The following MCF2 variants were observed in gnomAD, a reference collection of about 807,000 sequenced individuals.
MCF2 encodes the protein MCF.2 cell line derived transforming sequence, also known as proto-oncogene DBL.
Under a neutral mutation model 82.5 loss-of-function variants are expected in MCF2, and 44 were observed. The observed-to-expected ratio is 0.53, with a 90% CI of 0.42 to 0.69. MCF2 has a LOEUF of 0.69. MCF2 is among the 30% of genes least tolerant of loss of function. The probability of loss-of-function intolerance (pLI) is 0.00; values close to 1 mark genes in which losing one functional copy is unlikely to be tolerated. For synonymous variants in MCF2, 217 were observed against 224.9 expected (o/e 0.96, Z 0.32); for missense variants, 623 against 663.1 (o/e 0.94, Z 0.66).
chrX:139,684,906 T>C (rs1348964502), intron 1 of MCF2, among the ~76,000 whole-genome samples: 2 of 111,902 alleles, frequency 1.8e-5, no homozygotes, highest in African/African-American at 6.5e-5. Context: ...TAGATTGTGG[T>C]AAAGGTTGCA....
In MCF2 at chrX:139,619,725, G is replaced by T; in HGVS notation, c.688-19C>A. 9.1e-7 allele frequency: 1 copy of T among 1,104,805 alleles called. No individual in the cohort carries two copies. Among genetic ancestry groups the T allele is most frequent in the Non-Finnish European group, 1.2e-6 (1 of 838,514 alleles). The allele number at this position is 1,104,805 out of a possible 1,213,427, so 91.0% of individuals were successfully genotyped here. A position where few individuals can be genotyped will look rare whatever the true frequency, so the allele number is the denominator to read the frequency against. ...TCACAAGCTAAAAATACGAAACAAA[G>T]AGGTTTTAAAAACATAAAATTTATC... On this transcript the variant is annotated intron_variant, in intron 6 of 24. Transcript: ENST00000370576.
chrX:139,660,792 A>G (rs1396628418), intron 1 of MCF2, among the ~76,000 whole-genome samples: 1 of 112,035 alleles, frequency 8.9e-6, no homozygotes, highest in Non-Finnish European at 1.9e-5. Flanking sequence ...TTTCCTGCTA[A>G]CACCTACTGG....
intron 1 of MCF2, among the ~76,000 whole-genome samples, chrX:139,634,295 G>A (rs756339465): frequency 1.4e-3 from 157 of 111,871 alleles, no homozygotes; most frequent in Non-Finnish European, 2.5e-3. Flanking sequence ...CTAAGAATAA[G>A]ATACTGTGGG....
intron 24 of MCF2, among the ~76,000 whole-genome samples, chrX:139,583,703 G>A (rs1435089928): frequency 9.0e-6 from 1 of 111,544 alleles, no homozygotes; most frequent in Non-Finnish European, 1.9e-5. Flanking sequence ...TCAGCATCAC[G>A]CAGTATTCCC....
At chrX:139,678,525 G>A (rs754272678) in intron 1 of MCF2, among the ~76,000 whole-genome samples, 57 of 112,235 alleles carry the variant, frequency 5.1e-4, no homozygotes, top group Non-Finnish European at 9.8e-4. Flanking sequence ...TAAAGAAAGT[G>A]ATGAGACAGT....
At chrX:139,648,877 T>A (rs775129411) in intron 2 of MCF2, among the ~76,000 whole-genome samples, 1 of 112,230 alleles carries the variant, frequency 8.9e-6, no homozygotes, top group South Asian at 3.7e-4. Context: ...ATGCACCTAA[T>A]AACAGAGCTT....
rs187278407 is a variant in MCF2, at chrX:139,609,597, G to C, written c.1401+704C>G. Among the ~76,000 whole-genome samples, 143 of 111,091 alleles carry C rather than the reference G, an allele frequency of 1.3e-3. 1 individual carries two copies. Among genetic ancestry groups the C allele is most frequent in the African/African-American group, 1.9e-3 (58 of 30,578 alleles). On this transcript the variant is annotated intron_variant, in intron 11 of 24. Transcript: ENST00000370576. ...AGAAAATGTGGGATGTTGTAGCTATGATGAGTCTACTTCTTTACAGATATC... is the reference window on the plus strand; with the variant it reads ...AGAAAATGTGGGATGTTGTAGCTATCATGAGTCTACTTCTTTACAGATATC...
intron 1 of MCF2, among the ~76,000 whole-genome samples, chrX:139,686,605 C>T (rs1172037661): frequency 9.0e-6 from 1 of 111,458 alleles, no homozygotes; most frequent in Non-Finnish European, 1.9e-5. Flanking sequence ...CTCCTGCAGG[C>T]ATCTCCATCT....
intron 9 of MCF2, among the ~76,000 whole-genome samples, chrX:139,615,601 G>A (rs1237156153): frequency 8.9e-6 from 1 of 111,771 alleles, no homozygotes; most frequent in Non-Finnish European, 1.9e-5. Context: ...CTATTGCCAT[G>A]ACTGCATTTC....
exon 25 of MCF2, chrX:139,582,081 T>G (rs1928524724): frequency 4.8e-6 from 1 of 206,840 alleles, no homozygotes; most frequent in African/African-American, 3.0e-5. Context: ...TATTAAATCA[T>G]AATGTTGTGC....
intron 12 of MCF2, 190 bp downstream of exon 16, chrX:139,607,501 A>G (rs1931137090): frequency 3.6e-6 from 1 of 274,158 alleles, no homozygotes; most frequent in South Asian, 2.4e-4. Flanking sequence ...ACATTCTGAA[A>G]AAGTTTAGTT....
At chrX:139,677,419 G>A (rs1325771397) in intron 1 of MCF2, among the ~76,000 whole-genome samples, 1 of 111,805 alleles carries the variant, frequency 8.9e-6, no homozygotes, top group Non-Finnish European at 1.9e-5. Flanking sequence ...TTTCACTCCT[G>A]CTCTAAAACT....
chrX:139,648,161 C>G (rs1933865405), intron 2 of MCF2, among the ~76,000 whole-genome samples: 2 of 111,345 alleles, frequency 1.8e-5, no homozygotes, highest in African/African-American at 6.5e-5. Flanking sequence ...CACTTGAGGT[C>G]AGGAGTACAA....
intron 13 of MCF2, among the ~76,000 whole-genome samples, chrX:139,605,387 A>C (rs1207631597): frequency 9.0e-6 from 1 of 111,494 alleles, no homozygotes; most frequent in Non-Finnish European, 1.9e-5. Flanking sequence ...TTTTGTCAAA[A>C]GAATATTTTA....
intron 1 of MCF2, among the ~76,000 whole-genome samples, chrX:139,688,104 C>T (rs777907099): frequency 2.2e-4 from 24 of 111,422 alleles, no homozygotes; most frequent in African/African-American, 5.9e-4. Context: ...AGGAAATCTA[C>T]GGAAAAGTTA....
At chrX:139,651,835 G>C in intron 1 of MCF2, 47 bp from the exon 2 acceptor site, 1 of 782,659 alleles carries the variant, frequency 1.3e-6, no homozygotes, top group Non-Finnish European at 1.9e-6. Context: ...TTAAGGTACA[G>C]CCTTACATGA....
At chrX:139,631,356 A>G in intron 3 of MCF2, 39 bp downstream of exon 6, 2 of 743,587 alleles carry the variant, frequency 2.7e-6, no homozygotes, top group South Asian at 6.3e-5. Context: ...GCTAACATGA[A>G]GAACTATAGG....
At chrX:139,687,649 A>C (rs1935158189) in intron 1 of MCF2, among the ~76,000 whole-genome samples, 1 of 112,930 alleles carries the variant, frequency 8.9e-6, no homozygotes, top group Admixed American at 9.3e-5. Context: ...AATGCAGTGG[A>C]TAAAATGCAC....
At chrX:139,635,596 G>A (rs2148501053) in intron 1 of MCF2, among the ~76,000 whole-genome samples, 1 of 111,060 alleles carries the variant, frequency 9.0e-6, no homozygotes, top group East Asian at 2.8e-4. Flanking sequence ...GGTGGAGGCT[G>A]TGGTGATCTG....
Sources: allele counts gnomAD v4.1 joint callset (sites outside exome capture counted in the v4.1 genomes callset), GRCh38; gene constraint gnomAD v4.1.1; transcripts MANE v1.5; gene names NCBI Gene and HGNC (gene_info 2026-07-23, HGNC 2026-07-21).